The following HERC3 variants were observed in gnomAD, a reference collection of about 807,000 sequenced individuals.
HERC3 encodes the protein HECT and RLD domain containing E3 ubiquitin protein ligase 3.
In HERC3, 58 loss-of-function variants were observed where a neutral mutation model predicts 129.9. The observed-to-expected ratio is 0.45, with a 90% CI of 0.36 to 0.56. The LOEUF (loss-of-function observed/expected upper bound fraction) is 0.56. Ranked by LOEUF, HERC3 falls within the 20% of genes least tolerant of loss-of-function variation. The pLI is 0.00. For missense variants in HERC3, 835 were observed against 1,244.2 expected, an observed-to-expected ratio of 0.67 and a Z score of 4.95; for synonymous variants, 430 against 451.0, an observed-to-expected ratio of 0.95 and a Z score of 0.59.
intron 3 of HERC3, among the ~76,000 whole-genome samples, chr4:88,607,838 T>A (rs1200666972): frequency 6.6e-6 from 1 of 152,216 alleles, no homozygotes; most frequent in Non-Finnish European, 1.5e-5. Context: ...TAAGGTCCTC[T>A]TAGTAGTGAG....
At chr4:88,534,213 T>G in the HERC3 span, among the ~76,000 whole-genome samples, 2 of 152,206 alleles carry the variant, frequency 1.3e-5, no homozygotes, top group African/African-American at 4.8e-5. Context: ...GTAGCAAGAC[T>G]CCAGAACACT....
At chr4:88,577,617 A>ATACATATATATGTCTATATATATACATAT in the HERC3 span, among the ~76,000 whole-genome samples, 1 of 149,798 alleles carries the variant, frequency 6.7e-6, no homozygotes, top group East Asian at 1.9e-4. Context: ...ATATATATAT[A>ATACATATATATGTCTATATATATACATAT]ATAGGTTTGT....
chr4:88,527,699 C>T, the HERC3 span: 9 of 299,988 alleles, frequency 3.0e-5, no homozygotes, highest in Middle Eastern at 1.6e-3. Flanking sequence ...TCCATTATCA[C>T]GGTGGTTGCC....
At chr4:88,575,118 T>C in the HERC3 span, among the ~76,000 whole-genome samples, 1 of 152,198 alleles carries the variant, frequency 6.6e-6, no homozygotes, top group Non-Finnish European at 1.5e-5. Context: ...TCAATGATAG[T>C]GCCAATTTTT....
chr4:88,678,049 T>C lies in HERC3; in HGVS notation c.2111T>C (p.Leu704Pro). Residue 704 changes from leucine (L) to proline (P), a missense_variant, in exon 19 of 26, where the codon CTT (leucine) becomes CCT (proline). By Grantham distance (98) the Leu-to-Pro change is moderately conservative (BLOSUM62 -3). Transcript: ENST00000402738. The stretch of plus-strand genomic sequence containing the variant: ...CTGGCCAGAAGCCCCTTCCTGGTCC[T>C]TCACGTTCGCAGGAACAACCTTGTT... ...PLLARSPFLV[L>P]HVRRNNLVGD... is the part of the protein sequence containing the mutation. 1 of 1,614,046 alleles carries C rather than the reference T, an allele frequency of 6.2e-7. No individual in the cohort carries two copies. Among genetic ancestry groups the C allele is most frequent in the Non-Finnish European group, 8.5e-7 (1 of 1,179,986 alleles).
At chr4:88,577,664 A>T in the HERC3 span, among the ~76,000 whole-genome samples, 1 of 126,166 alleles carries the variant, frequency 7.9e-6, no homozygotes, top group East Asian at 2.5e-4. Flanking sequence ...GCTACTGAAT[A>T]GTGGTTGACT....
Position 88,680,247 on chromosome 4 carries a change from G to T in HERC3, c.2340+11G>T. On this transcript the variant is annotated intron_variant, in intron 20 of 25. Transcript: ENST00000402738. ...TGGTTTTCAGACACGGTAAGTAAGT[G>T]GTGTCACAATTAAACAGATGGATTA... is the stretch of plus-strand genomic sequence containing the variant. 1 of 1,583,432 alleles carries T rather than the reference G, an allele frequency of 6.3e-7. No individual in the cohort carries two copies. The highest frequency in any genetic ancestry group is 8.6e-7 in the Non-Finnish European group (1 of 1,165,900).
At chr4:88,624,618 A>C (rs772262272) in intron 3 of HERC3, among the ~76,000 whole-genome samples, 21 of 152,200 alleles carry the variant, frequency 1.4e-4, no homozygotes, top group Non-Finnish European at 2.8e-4. Context: ...CTGATCTTTT[A>C]TCAGAGAGAT....
At position 88,643,096 on chromosome 4, in the gene HERC3, C is replaced by T. The variant is rs56137733; in HGVS notation, c.227-6744C>T. 3.1e-3 allele frequency among the ~76,000 whole-genome samples: 473 copies of T among 152,068 alleles called. 4 individuals are homozygous for T. Among genetic ancestry groups the T allele is most frequent in the African/African-American group, 0.011 (438 of 41,460 alleles). ...AAAATGTACTATATCTATATATTAA[C>T]GATATGCAATTGGAAACTGGAATAA... On this transcript the variant is annotated intron_variant, in intron 3 of 25. Transcript: ENST00000402738.
chr4:88,644,762 A>G (rs544322482), intron 3 of HERC3, among the ~76,000 whole-genome samples: 1 of 152,290 alleles, frequency 6.6e-6, no homozygotes, highest in East Asian at 1.9e-4. Context: ...AGTTTATTCT[A>G]TGATAATTAA....
intron 23 of HERC3, among the ~76,000 whole-genome samples, chr4:88,699,837 T>G (rs1387031871): frequency 6.6e-6 from 1 of 152,250 alleles, no homozygotes; most frequent in Non-Finnish European, 1.5e-5. Context: ...TTTTAAAAAG[T>G]CTGGCTTATT....
chr4:88,706,924 G>A lies in HERC3; in HGVS notation c.3117G>A (p.Gln1039=), dbSNP rs1735834274. ...SKEILSARLT[Q]ALDNYEGFSL... ...AGATTCTGAGTGCCCGGCTGACCCA[G>A]GCCCTTGACAACTATGAAGGGTTTA... is the stretch of plus-strand genomic sequence containing the variant. Residue 1039 remains glutamine (Q), a synonymous_variant, in exon 26 of 26, where the codon CAG becomes CAA. Transcript: ENST00000402738. The A allele has an allele frequency of 1.2e-6, 2 of 1,614,068 alleles. No individual in the cohort carries two copies. Among genetic ancestry groups the A allele is most frequent in the Non-Finnish European group, 1.7e-6 (2 of 1,180,050 alleles).
intron 23 of HERC3, chr4:88,693,581 G>A: frequency 1.1e-6 from 1 of 942,094 alleles, no homozygotes; most frequent in Non-Finnish European, 1.3e-6. Context: ...CATTATGAAT[G>A]TACAAAACGC....
At chr4:88,583,135 T>A in the HERC3 span, among the ~76,000 whole-genome samples, 1 of 152,134 alleles carries the variant, frequency 6.6e-6, no homozygotes, top group African/African-American at 2.4e-5. Context: ...ATGGTATAAA[T>A]AATATTTCAA....
intron 23 of HERC3, among the ~76,000 whole-genome samples, chr4:88,699,364 C>G (rs1461649285): frequency 8.9e-6 from 1 of 112,388 alleles, no homozygotes; most frequent in East Asian, 2.9e-4. Flanking sequence ...CCCACCCTGC[C>G]CACCATCTTC....
At chr4:88,571,473 A>T in the HERC3 span, among the ~76,000 whole-genome samples, 2 of 152,228 alleles carry the variant, frequency 1.3e-5, no homozygotes, top group Middle Eastern at 6.8e-3. Flanking sequence ...AATATATTCA[A>T]AGGTTTCTTC....
intron 16 of HERC3, among the ~76,000 whole-genome samples, chr4:88,674,211 C>T (rs919255248): frequency 4.0e-5 from 6 of 151,446 alleles, no homozygotes; most frequent in Admixed American, 2.0e-4. Context: ...TTAAGGGGTG[C>T]AGGGAGGCTC....
intron 4 of HERC3, among the ~76,000 whole-genome samples, chr4:88,651,065 G>T (rs534907082): frequency 6.6e-5 from 10 of 152,218 alleles, no homozygotes; most frequent in Admixed American, 6.5e-4. Flanking sequence ...ATTTAATTTT[G>T]TGGGGAGAGG....
At chr4:88,640,007 C>A (rs1042279173) in intron 3 of HERC3, among the ~76,000 whole-genome samples, 1 of 152,124 alleles carries the variant, frequency 6.6e-6, no homozygotes, top group Non-Finnish European at 1.5e-5. Flanking sequence ...CAGAGAAATG[C>A]AGATCAAAAC....
Sources: gnomAD v4.1 joint callset for allele counts (sites outside exome capture counted in the v4.1 genomes callset) on GRCh38, gnomAD v4.1.1 for gene constraint, MANE v1.5 for transcripts, NCBI Gene and HGNC (gene_info 2026-07-23, HGNC 2026-07-21) for gene names.